The following MYLK variants were observed in gnomAD, a reference collection of about 807,000 sequenced individuals.
MYLK encodes the protein myosin light chain kinase, smooth muscle.
MYLK carries 106 observed loss-of-function variants against 203.4 expected under a neutral mutation model. The observed-to-expected ratio is 0.52, with a 90% CI of 0.45 to 0.61. MYLK has a LOEUF of 0.61. MYLK is among the 20% of genes least tolerant of loss of function. The probability of loss-of-function intolerance (pLI) is 0.00; values close to 1 mark genes in which losing one functional copy is unlikely to be tolerated. For missense variants in MYLK, 2,072 were observed against 2,442.3 expected, an observed-to-expected ratio of 0.85 and a Z score of 3.20; for synonymous variants, 867 against 959.5, an observed-to-expected ratio of 0.90 and a Z score of 1.78.
chr3:123,701,398 G>C, intron 17 of MYLK, 40 bp downstream of exon 17: 1 of 1,600,474 alleles, frequency 6.2e-7, no homozygotes. Flanking sequence ...AGGTGGGGAT[G>C]GGGGCATGGC....
chr3:123,813,747 G>A (rs2065642938), intron 3 of MYLK, among the ~76,000 whole-genome samples: 1 of 152,150 alleles, frequency 6.6e-6, no homozygotes, highest in East Asian at 1.9e-4. Context: ...CCAACCTCAA[G>A]CAATCTGCCT....
chr3:123,808,377 G>A (rs552444021), intron 3 of MYLK, among the ~76,000 whole-genome samples: 108 of 152,320 alleles, frequency 7.1e-4, no homozygotes, highest in East Asian at 4.8e-3. Flanking sequence ...CCAGAGGGGT[G>A]TGGCTGTATG....
At chr3:123,614,435 C>T in intron 33 of MYLK, 86 bp from the exon 34 acceptor site, 1 of 1,553,388 alleles carries the variant, frequency 6.4e-7, no homozygotes, top group Non-Finnish European at 8.8e-7. Flanking sequence ...TAAGCTACCA[C>T]TATTGATTAA....
At chr3:123,868,411 A>C (rs549689547) in intron 2 of MYLK, among the ~76,000 whole-genome samples, 169 of 152,360 alleles carry the variant, frequency 1.1e-3, no homozygotes, top group Non-Finnish European at 2.2e-3. Flanking sequence ...ATTGTGGAAC[A>C]ATTAAAATAG....
rs368219708 is a variant in MYLK at position 123,786,628 on chromosome 3, T to C, written c.165+7049A>G. ...GGGTACCTATAGTCAATAATAATTG[T>C]ATTTTTCAAAATAAAGAGTGTAATT... On this transcript the variant is annotated intron_variant, in intron 4 of 33. Coordinates refer to ENST00000360304, the MANE Select transcript of MYLK (RefSeq NM_053025.4). Among the ~76,000 whole-genome samples, 17 of 151,738 alleles carry C rather than the reference T, an allele frequency of 1.1e-4. No homozygotes were observed. In the East Asian group the frequency reaches 2.3e-3, roughly 21 times the overall value.
chr3:123,639,263 G>A (rs149539189), intron 28 of MYLK, among the ~76,000 whole-genome samples: 15 of 152,338 alleles, frequency 9.8e-5, no homozygotes, highest in Non-Finnish European at 1.5e-4. Flanking sequence ...GCCCAGCGCC[G>A]AGGCATGTTT....
At chr3:123,865,329 C>T (rs1259622301) in intron 2 of MYLK, among the ~76,000 whole-genome samples, 1 of 152,208 alleles carries the variant, frequency 6.6e-6, no homozygotes, top group Non-Finnish European at 1.5e-5. Context: ...CTTCTATCTC[C>T]ATACTCATGT....
At position 123,830,764 on chromosome 3, in the gene MYLK, G is replaced by A. The variant is rs2066297484; in HGVS notation, c.-4+784C>T. The stretch of plus-strand genomic sequence containing the variant: ...CTGTAGTAGTTAGACCCTAAGGAGG[G>A]GGTCAAGGGTAGCAGCGGGAAACCA... On this transcript the variant is annotated intron_variant, in intron 3 of 33. Transcript: ENST00000360304. Among the ~76,000 whole-genome samples, 5 of 152,268 alleles carry A rather than the reference G, an allele frequency of 3.3e-5. No homozygotes were observed. In the South Asian group the frequency reaches 1.0e-3, roughly 32 times the overall value.
intron 3 of MYLK, 183 bp downstream of exon 3, chr3:123,831,365 C>CA (rs1362547297): frequency 1.6e-6 from 2 of 1,288,040 alleles, no homozygotes; most frequent in East Asian, 1.1e-4. Context: ...AATCAACAGA[C>CA]AATGCTACAG....
chr3:123,702,413 T>A (rs1371706497), intron 16 of MYLK, among the ~76,000 whole-genome samples: 1 of 152,188 alleles, frequency 6.6e-6, no homozygotes, highest in Non-Finnish European at 1.5e-5. Flanking sequence ...CACACGCAGT[T>A]CTTTCTTGAT....
At chr3:123,620,652 T>A in intron 31 of MYLK, 1 of 1,126,836 alleles carries the variant, frequency 8.9e-7, no homozygotes, top group South Asian at 2.5e-5. Flanking sequence ...GGATGGTTTA[T>A]ATAAAGCAAC....
At chr3:123,767,250 T>G (rs1282098155) in intron 4 of MYLK, among the ~76,000 whole-genome samples, 1 of 152,154 alleles carries the variant, frequency 6.6e-6, no homozygotes, top group East Asian at 1.9e-4. Flanking sequence ...TACAGACAAC[T>G]GCTCAGACCA....
intron 16 of MYLK, among the ~76,000 whole-genome samples, chr3:123,704,747 C>CAAAAAAAAAAAAAAAAAAA (rs5852352): frequency 4.6e-5 from 4 of 87,728 alleles, no homozygotes; most frequent in South Asian, 4.5e-4. Context: ...ACTAAAAATA[C>CAAAAAAAAAAAAAAAAAAA]AAAAAAAAAA....
chr3:123,734,205 G>C lies in MYLK; in HGVS notation c.791C>G (p.Thr264Arg). The C allele has an allele frequency of 8.1e-7, 1 of 1,228,798 alleles. No homozygotes were observed. The highest frequency in any genetic ancestry group is 1.1e-6 in the Non-Finnish European group (1 of 941,556). 76.1% of individuals were successfully genotyped at this position (1,228,798 alleles called of 1,614,324 possible). The change falls in exon 10 of 34, where the codon ACA becomes AGA. Residue 264 changes from threonine to arginine, a missense_variant. By Grantham distance (71) the Thr-to-Arg change is moderately conservative. Transcript: ENST00000360304. ...CCTGACATCTGAATTGGTGGCTTTT[G>C]TTTCTCTCACAAATGACCTGTGTGG... ...DSANRSFVRE[T>R]KATNSDVRKE...
intron 13 of MYLK, among the ~76,000 whole-genome samples, chr3:123,718,381 G>C (rs528717504): frequency 7.2e-5 from 11 of 152,182 alleles, no homozygotes; most frequent in African/African-American, 1.7e-4. Flanking sequence ...AGCTTACAGT[G>C]TGGAGAGGAA....
At chr3:123,788,253 C>T (rs1216776136) in intron 4 of MYLK, among the ~76,000 whole-genome samples, 1 of 152,134 alleles carries the variant, frequency 6.6e-6, no homozygotes, top group Non-Finnish European at 1.5e-5. Flanking sequence ...AATTCAAGCA[C>T]CTAATTATAC....
chr3:123,834,453 T>G (rs1010357897), intron 2 of MYLK, among the ~76,000 whole-genome samples: 1 of 152,134 alleles, frequency 6.6e-6, no homozygotes, highest in Non-Finnish European at 1.5e-5. Context: ...ACAGGTAATT[T>G]AATAAAGGTC....
chr3:123,620,908 A>G (rs900773774), intron 31 of MYLK: 5 of 156,886 alleles, frequency 3.2e-5, no homozygotes, highest in African/African-American at 1.2e-4. Context: ...ATGATCTCCA[A>G]GGTCCCATTT....
At chr3:123,775,445 G>A (rs1455868667) in intron 4 of MYLK, among the ~76,000 whole-genome samples, 3 of 152,190 alleles carry the variant, frequency 2.0e-5, no homozygotes, top group African/African-American at 7.2e-5. Flanking sequence ...CAAGAACTGA[G>A]TCTTAGCATT....
Sources: gnomAD v4.1 joint callset for allele counts (sites outside exome capture counted in the v4.1 genomes callset) on GRCh38, gnomAD v4.1.1 for gene constraint, MANE v1.5 for transcripts, NCBI Gene and HGNC (gene_info 2026-07-23, HGNC 2026-07-21) for gene names.